Variants in SLC5A11 observed in about 807,000 individuals in gnomAD.
SLC5A11 encodes solute carrier family 5 member 11, also known as sodium/myo-inositol cotransporter 2.
A neutral mutation model predicts 69.8 loss-of-function variants in SLC5A11; 48 were observed. The ratio of observed to expected loss-of-function variants is 0.69; its 90% CI spans 0.55 to 0.87. The LOEUF (loss-of-function observed/expected upper bound fraction) is 0.87. Among genes scored for constraint, SLC5A11 ranks in the 40% least tolerant of loss-of-function variants. The pLI is 0.00. For synonymous variants in SLC5A11, 319 were observed against 342.4 expected, an observed-to-expected ratio of 0.93 and a Z score of 0.75; for missense variants, 784 against 866.1, an observed-to-expected ratio of 0.91 and a Z score of 1.19.
chr16:24,890,971 A>G, exon 9 of SLC5A11: 1 of 1,614,188 alleles, frequency 6.2e-7, no homozygotes, highest in Non-Finnish European at 8.5e-7. Flanking sequence ...CCCCGGGAAG[A>G]TGCCTTCCAT....
chr16:24,907,973 C>T, exon 13 of SLC5A11: 2 of 1,613,506 alleles, frequency 1.2e-6, no homozygotes, highest in Non-Finnish European at 1.7e-6. Context: ...GGTGTTTGTG[C>T]TGCTGCTGGT....
At chr16:24,911,200 C>T (rs1019698657) in intron 15 of SLC5A11, 128 bp from the exon 17 acceptor site, 11 of 741,140 alleles carry the variant, frequency 1.5e-5, no homozygotes, top group Middle Eastern at 8.3e-4. Flanking sequence ...AGATTTCAGT[C>T]GGGCATAGTG....
At chr16:24,888,597 C>T (rs2048550836) in intron 8 of SLC5A11, among the ~76,000 whole-genome samples, 1 of 149,544 alleles carries the variant, frequency 6.7e-6, no homozygotes, top group African/African-American at 2.5e-5. Flanking sequence ...GATTCTCCTG[C>T]CTCAGCCTCC....
At chr16:24,901,954 ACACG>A (rs1387861156) in intron 10 of SLC5A11, among the ~76,000 whole-genome samples, 1,360 of 88,402 alleles carry the variant, frequency 0.015, 9 homozygotes, top group South Asian at 0.041. Flanking sequence ...ACACACACAC[ACACG>A]CACACACACA....
chr16:24,888,125 AT>A (rs1254106138), intron 8 of SLC5A11, among the ~76,000 whole-genome samples: 1 of 152,202 alleles, frequency 6.6e-6, no homozygotes, highest in African/African-American at 2.4e-5. Flanking sequence ...AAAATTAATC[AT>A]TGAAAAAAAT....
chr16:24,882,952 G>A (rs72770464), intron 7 of SLC5A11, among the ~76,000 whole-genome samples: 15,774 of 152,158 alleles, frequency 0.1, 1,065 homozygotes, highest in South Asian at 0.15. Context: ...AGCCCATTTC[G>A]AAGATTTTTG....
chr16:24,846,075 C>T (rs530114004), exon 1 of SLC5A11: 1 of 152,686 alleles, frequency 6.5e-6, no homozygotes, highest in Non-Finnish European at 1.5e-5. Flanking sequence ...TGCCATGGGT[C>T]CCCACGCAGG....
chr16:24,869,606 A>T (rs372462835), intron 3 of SLC5A11, among the ~76,000 whole-genome samples: 2 of 152,264 alleles, frequency 1.3e-5, no homozygotes, highest in East Asian at 3.9e-4. Context: ...GGGATACTGC[A>T]TATAGTTGTT....
Position 24,877,915 on chromosome 16 carries a change from C to T in SLC5A11, c.583+552C>T, listed in dbSNP as rs534292021. ...AGGAGAATCACTTGAACCCGGGAGG[C>T]GGAGGTTGCAGTGAGCCAAGATCGC... On this transcript the variant is annotated intron_variant, in intron 7 of 15. Transcript: ENST00000347898. Among the ~76,000 whole-genome samples, 73 of 152,268 alleles carry T rather than the reference C, an allele frequency of 4.8e-4. 1 individual carries two copies. The South Asian group carries it at 0.014, about 29-fold the overall frequency.
chr16:24,854,180 G>A (rs1029197664), intron 1 of SLC5A11, among the ~76,000 whole-genome samples: 2 of 152,160 alleles, frequency 1.3e-5, no homozygotes, highest in Admixed American at 1.3e-4. Context: ...CCAGGCAGCC[G>A]CCGCCCCTCC....
chr16:24,860,864 C>A (rs559651943), intron 2 of SLC5A11, among the ~76,000 whole-genome samples: 1 of 152,180 alleles, frequency 6.6e-6, no homozygotes, highest in South Asian at 2.1e-4. Flanking sequence ...CGTCACCATG[C>A]CCGGATAATT....
intron 7 of SLC5A11, among the ~76,000 whole-genome samples, chr16:24,877,906 C>T (rs1267982910): frequency 6.6e-6 from 1 of 152,234 alleles, no homozygotes; most frequent in Non-Finnish European, 1.5e-5. Flanking sequence ...ATCACTTGAA[C>T]CCGGGAGGCG....
At chr16:24,885,788 A>G (rs1300981066) in intron 8 of SLC5A11, among the ~76,000 whole-genome samples, 1 of 152,040 alleles carries the variant, frequency 6.6e-6, no homozygotes, top group Admixed American at 6.6e-5. Context: ...CTCAGAAGAA[A>G]ATATCAAGAG....
chr16:24,873,294 G>A (rs2047449771), intron 5 of SLC5A11, among the ~76,000 whole-genome samples: 1 of 148,602 alleles, frequency 6.7e-6, no homozygotes, highest in South Asian at 2.2e-4. Context: ...AGGAAGGAAG[G>A]AAGGAAGGAA....
At chr16:24,850,988 T>C (rs1278686694) in intron 1 of SLC5A11, among the ~76,000 whole-genome samples, 1 of 151,488 alleles carries the variant, frequency 6.6e-6, no homozygotes, top group Non-Finnish European at 1.5e-5. Context: ...TTTTTGTATT[T>C]TTAGTGGAGA....
At chr16:24,893,942 C>A (rs1161023364) in intron 9 of SLC5A11, among the ~76,000 whole-genome samples, 1 of 152,198 alleles carries the variant, frequency 6.6e-6, no homozygotes, top group Non-Finnish European at 1.5e-5. Flanking sequence ...TCATCTATTT[C>A]TATTTCGTTG....
chr16:24,880,766 G>A (rs558484771), intron 7 of SLC5A11, among the ~76,000 whole-genome samples: 34 of 152,102 alleles, frequency 2.2e-4, no homozygotes, highest in African/African-American at 3.1e-4. Flanking sequence ...CCCAACACGC[G>A]GGGATTACAA....
intron 3 of SLC5A11, among the ~76,000 whole-genome samples, chr16:24,864,981 A>C (rs2046832472): frequency 6.6e-6 from 1 of 152,188 alleles, no homozygotes; most frequent in Non-Finnish European, 1.5e-5. Context: ...AACGAAGAGA[A>C]ACAGAGTCTC....
intron 1 of SLC5A11, among the ~76,000 whole-genome samples, chr16:24,848,446 A>C (rs1006649533): frequency 6.6e-6 from 1 of 152,098 alleles, no homozygotes; most frequent in African/African-American, 2.4e-5. Context: ...CCGTCTCTAC[A>C]AAAAAATTAC....
Sources: allele counts gnomAD v4.1 joint callset (sites outside exome capture counted in the v4.1 genomes callset), GRCh38; gene constraint gnomAD v4.1.1; transcripts MANE v1.5; gene names NCBI Gene and HGNC (gene_info 2026-07-23, HGNC 2026-07-21).